PSMB9: variants seen among roughly 807,000 people sequenced by gnomAD.
PSMB9 encodes proteasome 20S subunit beta 9.
Under a neutral mutation model 26.9 loss-of-function variants are expected in PSMB9, and 16 were observed. The ratio of observed to expected loss-of-function variants is 0.59; its 90% CI spans 0.40 to 0.90. The LOEUF is 0.90. PSMB9 is among the 40% of genes least tolerant of loss of function. PSMB9 has a pLI of 0.00. For synonymous variants in PSMB9, 91 were observed against 112.0 expected (o/e 0.81, Z 1.18); for missense variants, 253 against 292.2 (o/e 0.87, Z 0.98).
At position 32,858,071 on chromosome 6, in the gene PSMB9, A is replaced by G. The variant is rs755056769; in HGVS notation, c.327A>G (p.Lys109=). 2 of 1,613,160 alleles carry G rather than the reference A, an allele frequency of 1.2e-6. No homozygotes were observed. Among genetic ancestry groups the G allele is most frequent in the Non-Finnish European group, 8.5e-7 (1 of 1,180,048 alleles). The change falls in exon 4 of 6, where the codon AAA becomes AAG. Residue 109 remains lysine, a synonymous_variant. Transcript: ENST00000374859. The surrounding 1 kb of genome is among the most constrained non-coding windows in gnomAD (Gnocchi z 5.2). ...ATGTGGTGAGAAATATCAGCTATAA[A>G]TATCGAGAGGACTTGTCTGCACATC... ...AANVVRNISY[K]YREDLSAHLM... is the part of the protein sequence containing the mutation.
At position 32,858,490 on chromosome 6, in the gene PSMB9, C is replaced by G; in HGVS notation, c.517C>G (p.Arg173Gly). The G allele has an allele frequency of 6.2e-7, 1 of 1,612,922 alleles. No homozygotes were observed. Among genetic ancestry groups the G allele is most frequent in the Non-Finnish European group, 8.5e-7 (1 of 1,180,006 alleles). ...AGGCATGTCTCCCGAGGAGTGCAGG[C>G]GCTTCACCACAGACGGTAACCAGCC... ...KPGMSPEECR[R>G]FTTDAIALAM... The change falls in exon 5 of 6, where the codon CGC becomes GGC. Residue 173 changes from arginine to glycine, a missense_variant. Physicochemically the swap from Arg to Gly is moderately radical, Grantham distance 125. Transcript: ENST00000374859. This position sits in a 1 kb window ranked among gnomAD's most constrained non-coding sequence, Gnocchi z 5.2.
At chr6:32,855,067 A>C (rs1285792618) in intron 1 of PSMB9, among the ~76,000 whole-genome samples, 1 of 152,186 alleles carries the variant, frequency 6.6e-6, no homozygotes, top group Non-Finnish European at 1.5e-5. Flanking sequence ...TTGACCCTCT[A>C]TTCATGATAA....
rs185663343 is a variant in PSMB9 at position 32,854,956 on chromosome 6, C to G, written c.60+667C>G. ...CCTGGGGCAGATGGCAGCCCCAAGA[C>G]TGGCTGGCTGGCTTCTGCTCTGGAC... On this transcript the variant is annotated intron_variant, in intron 1 of 5. Transcript: ENST00000374859. This position sits in a 1 kb window ranked among gnomAD's most constrained non-coding sequence, Gnocchi z 4.6. Among the ~76,000 whole-genome samples, 6 of 152,346 alleles carry G rather than the reference C, an allele frequency of 3.9e-5. No individual in the cohort carries two copies. The highest frequency in any genetic ancestry group is 3.9e-4 in the Admixed American group (6 of 15,310).
chr6:32,857,515 T>A, intron 3 of PSMB9, 121 bp downstream of exon 3: 1 of 1,246,374 alleles, frequency 8.0e-7, no homozygotes, highest in Non-Finnish European at 1.1e-6. Flanking sequence ...TTGTTTCGGC[T>A]CTTGCTGGCA....
At position 32,854,219 on chromosome 6, in the gene PSMB9, G is replaced by A. The variant is rs749253062; in HGVS notation, c.-11G>A. ...TGCCCCAGGCGGCGAGGAGAGCGGT[G>A]CCTTGCAGGGATGCTGCGGGCGGGA... On this transcript the variant is annotated 5_prime_UTR_variant, in exon 1 of 6. Transcript: ENST00000374859. This position sits in a 1 kb window ranked among gnomAD's most constrained non-coding sequence, Gnocchi z 4.6. 4.5e-6 allele frequency: 7 copies of A among 1,546,122 alleles called. No homozygotes were observed. Among genetic ancestry groups the A allele is most frequent in the East Asian group, 4.9e-5 (2 of 40,696 alleles).
In PSMB9 at chr6:32,854,899, G is replaced by A. The variant is rs943175007; in HGVS notation, c.60+610G>A. Among the ~76,000 whole-genome samples, 1 of 152,160 alleles carries A rather than the reference G, an allele frequency of 6.6e-6. No homozygotes were observed. The highest frequency in any genetic ancestry group is 2.4e-5 in the African/African-American group (1 of 41,436). On this transcript the variant is annotated intron_variant, in intron 1 of 5. Transcript: ENST00000374859. This position sits in a 1 kb window ranked among gnomAD's most constrained non-coding sequence, Gnocchi z 4.6. ...GTGTCTTCCCTGCCCACTCCCATGTGCCCACTGGGGGGACTTTGCTTAGGA... is the reference window on the plus strand; with the variant it reads ...GTGTCTTCCCTGCCCACTCCCATGTACCCACTGGGGGGACTTTGCTTAGGA...
At position 32,858,880 on chromosome 6, in the gene PSMB9, A is replaced by AT. The variant is rs1355948759; in HGVS notation, c.532+376dup. On this transcript the variant is annotated intron_variant, in intron 5 of 5. Coordinates refer to ENST00000374859, the MANE Select transcript of PSMB9 (RefSeq NM_002800.5). This position sits in a 1 kb window ranked among gnomAD's most constrained non-coding sequence, Gnocchi z 5.2. ...TGAAACCCTGTCTCCACAAAAAACA[A>AT]TAAAAAAAAGTAAAAAAAAAAATGA... is the stretch of plus-strand genomic sequence containing the variant. 9.5e-6 allele frequency: 3 copies of AT among 316,862 alleles called. No homozygotes were observed. The highest frequency in any genetic ancestry group is 5.0e-5 in the Admixed American group (1 of 19,908). The allele number at this position is 316,862 out of a possible 1,614,324, so 19.6% of individuals were successfully genotyped here.
In PSMB9 at chr6:32,854,442, A is replaced by G. The variant is rs1771053145; in HGVS notation, c.60+153A>G. Among the ~76,000 whole-genome samples the G allele has an allele frequency of 6.6e-6, 1 of 152,200 alleles. No homozygotes were observed. ...CCAGCGCTTGCAACCCGCAATGAGC[A>G]TAGAGTATTTCTTTTCTGAGGGGGG... is the stretch of plus-strand genomic sequence containing the variant. On this transcript the variant is annotated intron_variant, in intron 1 of 5. Transcript: ENST00000374859. The surrounding 1 kb of genome is among the most constrained non-coding windows in gnomAD (Gnocchi z 4.6).
rs373371271 is a variant in PSMB9 at position 32,859,475 on chromosome 6, C to T, written c.603C>T (p.Ala201=). 230 of 1,613,542 alleles carry T rather than the reference C, an allele frequency of 1.4e-4. No individual in the cohort carries two copies. Among genetic ancestry groups the T allele is most frequent in the Non-Finnish European group, 1.9e-4 (221 of 1,179,876 alleles). The part of the protein sequence containing the change: ...GVIYLVTITA[A]GVDHRVILGN... ...TCTACCTGGTCACTATTACAGCTGC[C>T]GGTGTGGACCATCGAGTCATCTTGG... Residue 201 remains alanine (A), a synonymous_variant, in exon 6 of 6, where the codon GCC becomes GCT. Transcript: ENST00000374859.
Position 32,854,418 on chromosome 6 carries a change from C to A in PSMB9, c.60+129C>A. ...GCGCAGGGAGGTCGCCTGTAGCAGC[C>A]AGCGCTTGCAACCCGCAATGAGCAT... On this transcript the variant is annotated intron_variant, in intron 1 of 5. Coordinates refer to ENST00000374859, the MANE Select transcript of PSMB9 (RefSeq NM_002800.5). This position sits in a 1 kb window ranked among gnomAD's most constrained non-coding sequence, Gnocchi z 4.6. 1.2e-6 allele frequency: 1 copy of A among 824,692 alleles called. No homozygotes were observed. Among genetic ancestry groups the A allele is most frequent in the South Asian group, 1.9e-5 (1 of 52,258 alleles). 51.1% of individuals were successfully genotyped at this position (824,692 alleles called of 1,614,324 possible). A position where few individuals can be genotyped will look rare whatever the true frequency, so the allele number is the denominator to read the frequency against.
Position 32,858,413 on chromosome 6 carries a change from G to A in PSMB9, c.440G>A (p.Gly147Asp), listed in dbSNP as rs1428900039. 6.2e-7 allele frequency: 1 copy of A among 1,613,002 alleles called. No individual in the cohort carries two copies. The highest frequency in any genetic ancestry group is 8.5e-7 in the Non-Finnish European group (1 of 1,180,022). The change falls in exon 5 of 6, where the codon GGT becomes GAT. Residue 147 changes from glycine to aspartate, a missense_variant. By Grantham distance (94) the Gly-to-Asp change is moderately conservative (BLOSUM62 -1). Coordinates refer to ENST00000374859, the MANE Select transcript of PSMB9 (RefSeq NM_002800.5). This position sits in a 1 kb window ranked among gnomAD's most constrained non-coding sequence, Gnocchi z 5.2. Reference protein sequence around the residue: ...GMLTRQPFAIGGSGSTFIYGY... With the variant: ...GMLTRQPFAIDGSGSTFIYGY... ...CTGACTCGACAGCCTTTTGCCATTG[G>A]TGGCTCCGGCAGCACCTTTATCTAT... is the stretch of plus-strand genomic sequence containing the variant.
At chr6:32,859,847 CGCAA>C (rs1420741847) in exon 6 of PSMB9, among the ~76,000 whole-genome samples, 2 of 152,010 alleles carry the variant, frequency 1.3e-5, no homozygotes, top group African/African-American at 4.8e-5. Context: ...ATGATGAGGC[CGCAA>C]GTGAGGTGAT....
chr6:32,854,479 G>A lies in PSMB9; in HGVS notation c.60+190G>A, dbSNP rs564990454. On this transcript the variant is annotated intron_variant, in intron 1 of 5. Transcript: ENST00000374859. The surrounding 1 kb of genome is among the most constrained non-coding windows in gnomAD (Gnocchi z 4.6). ...TTTTCTGAGGGGGGTCGTCTAGAGT[G>A]TCCGTGAAGGGAACAGGCACGCGAG... Among the ~76,000 whole-genome samples the A allele has an allele frequency of 1.6e-4, 24 of 152,244 alleles. No individual in the cohort carries two copies. The highest frequency in any genetic ancestry group is 1.6e-4 in the Non-Finnish European group (11 of 68,040).
rs1771206042 is a variant in PSMB9, at chr6:32,857,251, C to T, written c.129-12C>T. On this transcript the variant is annotated splice_polypyrimidine_tract_variant and intron_variant, in intron 2 of 5. Coordinates refer to ENST00000374859, the MANE Select transcript of PSMB9 (RefSeq NM_002800.5). ...AGTTTTAACTTGGTGACTGTTGACT[C>T]CCTCCTGACAGCGAGGCGGTGGTGA... 1 of 1,577,822 alleles carries T rather than the reference C, an allele frequency of 6.3e-7. No individual in the cohort carries two copies.
chr6:32,857,227 G>C lies in PSMB9; in HGVS notation c.129-36G>C, dbSNP rs753579760. 7.9e-6 allele frequency: 11 copies of C among 1,385,102 alleles called. No homozygotes were observed. The South Asian group carries it at 1.3e-4, about 17-fold the overall frequency. The allele number at this position is 1,385,102 out of a possible 1,614,324, so 85.8% of individuals were successfully genotyped here. A position where few individuals can be genotyped will look rare whatever the true frequency, so the allele number is the denominator to read the frequency against. ...AAAAAAAAAAAAAAAAAAAACCTGA[G>C]TTTTAACTTGGTGACTGTTGACTCC... is the stretch of plus-strand genomic sequence containing the variant. On this transcript the variant is annotated intron_variant, in intron 2 of 5. Coordinates refer to ENST00000374859, the MANE Select transcript of PSMB9 (RefSeq NM_002800.5).
chr6:32,857,972 T>C, intron 3 of PSMB9, 33 bp from the exon 4 acceptor site: 2 of 1,612,646 alleles, frequency 1.2e-6, no homozygotes, highest in Non-Finnish European at 1.7e-6. Context: ...GACTTAAAAT[T>C]CTATCAACCT....
At position 32,858,750 on chromosome 6, in the gene PSMB9, G is replaced by A. The variant is rs1771288533; in HGVS notation, c.532+245G>A. On this transcript the variant is annotated intron_variant, in intron 5 of 5. Transcript: ENST00000374859. This position sits in a 1 kb window ranked among gnomAD's most constrained non-coding sequence, Gnocchi z 5.2. ...TACACAGTCACTGTGAGAACCAGTG[G>A]TGTGCTAAGCACAGTGGCTCACACC... The A allele has an allele frequency of 8.4e-6, 5 of 595,122 alleles. 1 individual carries two copies. The East Asian group carries it at 1.5e-4, about 18-fold the overall frequency. 36.9% of individuals were successfully genotyped at this position (595,122 alleles called of 1,614,324 possible). A position where few individuals can be genotyped will look rare whatever the true frequency, so the allele number is the denominator to read the frequency against.
rs4148878 is a variant in PSMB9 at position 32,854,409 on chromosome 6, T to G, written c.60+120T>G. 0.056 allele frequency: 53,027 copies of G among 948,694 alleles called. 1,761 individuals are homozygous for G. Among genetic ancestry groups the G allele is most frequent in the Non-Finnish European group, 0.066 (43,264 of 660,312 alleles). The allele number at this position is 948,694 out of a possible 1,614,324, so 58.8% of individuals were successfully genotyped here. A position where few individuals can be genotyped will look rare whatever the true frequency, so the allele number is the denominator to read the frequency against. On this transcript the variant is annotated intron_variant, in intron 1 of 5. Coordinates refer to ENST00000374859, the MANE Select transcript of PSMB9 (RefSeq NM_002800.5). This position sits in a 1 kb window ranked among gnomAD's most constrained non-coding sequence, Gnocchi z 4.6. ...CCAACGGGAGCGCAGGGAGGTCGCC[T>G]GTAGCAGCCAGCGCTTGCAACCCGC...
intron 5 of PSMB9, among the ~76,000 whole-genome samples, chr6:32,859,056 A>C (rs998479700): frequency 1.5e-4 from 21 of 142,504 alleles, no homozygotes; most frequent in Non-Finnish European, 1.3e-4. Context: ...TGTCTGGAGA[A>C]AAAAAAAAAA....
Sources: gnomAD v4.1 joint callset for allele counts (sites outside exome capture counted in the v4.1 genomes callset) on GRCh38, gnomAD v4.1.1 for gene constraint, Gnocchi (gnomAD v3.1) non-coding constraint, MANE v1.5 for transcripts, NCBI Gene and HGNC (gene_info 2026-07-23, HGNC 2026-07-21) for gene names.